CACNA1C: variants seen among roughly 807,000 people sequenced by gnomAD.
The protein encoded by CACNA1C is calcium voltage-gated channel subunit alpha1 C, also known as voltage-dependent L-type calcium channel subunit alpha-1C.
In CACNA1C, 30 loss-of-function variants were observed where a neutral mutation model predicts 229.0. The observed-to-expected ratio is 0.13, with a 90% confidence interval of 0.10 to 0.18. The LOEUF is 0.18. CACNA1C is among the 10% of genes least tolerant of loss of function. The probability of loss-of-function intolerance (pLI) is 1.00; values close to 1 mark genes in which losing one functional copy is unlikely to be tolerated. For synonymous variants in CACNA1C, 1,114 were observed against 1,132.5 expected (o/e 0.98, Z 0.33); for missense variants, 1,658 against 2,845.0 (o/e 0.58, Z 9.49).
intron 3 of CACNA1C, among the ~76,000 whole-genome samples, chr12:2,128,414 T>G (rs2091001835): frequency 6.6e-6 from 1 of 151,928 alleles, no homozygotes; most frequent in Admixed American, 6.6e-5. Context: ...TACATTATTT[T>G]TTTACCTTTT....
chr12:2,548,213 G>A (rs963510620), intron 9 of CACNA1C, among the ~76,000 whole-genome samples: 4 of 152,140 alleles, frequency 2.6e-5, no homozygotes, highest in African/African-American at 9.7e-5. Context: ...ATCCCTAAGG[G>A]CTGGTCTCAC....
rs989643835 is a variant in CACNA1C, at chr12:2,522,931, T to C, written c.1390+9947T>C. 1.2e-4 allele frequency among the ~76,000 whole-genome samples: 19 copies of C among 152,272 alleles called. No homozygotes were observed. The East Asian group carries it at 2.9e-3, about 23-fold the overall frequency. On this transcript the variant is annotated intron_variant, in intron 9 of 46. Coordinates refer to ENST00000399655, the MANE Select transcript of CACNA1C (RefSeq NM_000719.7). ...GTTCAGCTTGTAAGTTGCACAGTTA[T>C]GTGGCCGTTGCTCCCTCCGTACCAT...
chr12:2,330,852 T>C (rs1433336340), intron 3 of CACNA1C, among the ~76,000 whole-genome samples: 8 of 152,228 alleles, frequency 5.3e-5, no homozygotes, highest in Admixed American at 4.6e-4. Flanking sequence ...CCAAGTTGAT[T>C]AAATAGATTA....
chr12:2,372,626 T>C (rs956463586), intron 3 of CACNA1C, among the ~76,000 whole-genome samples: 9 of 141,766 alleles, frequency 6.3e-5, no homozygotes, highest in Non-Finnish European at 1.2e-4. Context: ...CCGCATTCCC[T>C]TTTTTTTTTT....
intron 30 of CACNA1C, among the ~76,000 whole-genome samples, chr12:2,638,516 C>T (rs1366367915): frequency 1.3e-5 from 2 of 152,142 alleles, no homozygotes; most frequent in African/African-American, 2.4e-5. Context: ...TGTCACGTGA[C>T]CCGACTGGTT....
At chr12:2,626,644 AG>A (rs1488947357) in intron 29 of CACNA1C, among the ~76,000 whole-genome samples, 1 of 152,174 alleles carries the variant, frequency 6.6e-6, no homozygotes, top group Non-Finnish European at 1.5e-5. Context: ...GCACCTTTGC[AG>A]AAAACGGCTC....
At chr12:2,232,227 G>C (rs201996511) in intron 3 of CACNA1C, among the ~76,000 whole-genome samples, 1 of 73,574 alleles carries the variant, frequency 1.4e-5, no homozygotes, top group Non-Finnish European at 2.6e-5. Flanking sequence ...GTCTTTCCTT[G>C]TTTTTTTTTT....
chr12:1,984,626 G>A (rs2037111263), intron 1 of CACNA1C, among the ~76,000 whole-genome samples: 1 of 151,810 alleles, frequency 6.6e-6, no homozygotes, highest in Admixed American at 6.6e-5. Context: ...TAAAGAATTT[G>A]AGAGGAGAAA....
intron 1 of CACNA1C, among the ~76,000 whole-genome samples, chr12:2,035,230 A>G (rs2048925931): frequency 2.0e-5 from 3 of 152,242 alleles, no homozygotes; most frequent in Non-Finnish European, 4.4e-5. Context: ...CAAGTCCTGA[A>G]GGAGGCCGTT....
intron 5 of CACNA1C, among the ~76,000 whole-genome samples, chr12:2,466,162 G>C (rs570565470): frequency 6.6e-6 from 1 of 152,226 alleles, no homozygotes; most frequent in South Asian, 2.1e-4. Flanking sequence ...CCCACTGAGG[G>C]CACATTAGGG....
chr12:2,650,200 G>T (rs548323817), intron 31 of CACNA1C, among the ~76,000 whole-genome samples: 36 of 152,328 alleles, frequency 2.4e-4, no homozygotes, highest in African/African-American at 8.7e-4. Flanking sequence ...TCTCTGGCTT[G>T]CTTCTGGGCA....
At chr12:2,081,719 T>A (rs76617616) in intron 1 of CACNA1C, among the ~76,000 whole-genome samples, 4 of 152,298 alleles carry the variant, frequency 2.6e-5, no homozygotes, top group South Asian at 2.1e-4. Context: ...GTATTTTTTT[T>A]AAGAAGATTA....
At chr12:2,621,544 A>G (rs1481278173) in intron 29 of CACNA1C, among the ~76,000 whole-genome samples, 1 of 152,114 alleles carries the variant, frequency 6.6e-6, no homozygotes, top group Non-Finnish European at 1.5e-5. Context: ...GGGGAGGATT[A>G]TATAATCTGA....
chr12:2,076,491 A>C (rs1013379536), intron 1 of CACNA1C, among the ~76,000 whole-genome samples: 10 of 147,842 alleles, frequency 6.8e-5, no homozygotes, highest in Non-Finnish European at 1.2e-4. Flanking sequence ...CCCTCGCCTC[A>C]CTCCCTCCCT....
chr12:2,262,031 C>T (rs986386368), intron 3 of CACNA1C, among the ~76,000 whole-genome samples: 31 of 152,372 alleles, frequency 2.0e-4, no homozygotes, highest in African/African-American at 7.0e-4. Context: ...AGGACCTGAA[C>T]CTGCCTTTCT....
chr12:2,678,410 G>C lies in CACNA1C; in HGVS notation c.5091+543G>C, dbSNP rs1395523998. 6.6e-6 allele frequency among the ~76,000 whole-genome samples: 1 copy of C among 152,162 alleles called. No individual in the cohort carries two copies. The highest frequency in any genetic ancestry group is 1.5e-5 in the Non-Finnish European group (1 of 68,024). On this transcript the variant is annotated intron_variant, in intron 41 of 46. Coordinates refer to ENST00000399655, the MANE Select transcript of CACNA1C (RefSeq NM_000719.7). This position sits in a 1 kb window ranked among gnomAD's most constrained non-coding sequence, Gnocchi z 4.1. ...TCCCCTTTCCCTCTCCTTTCCTGGA[G>C]ACTGAAGCTGCCCAGCAGTTGCAAT...
At chr12:2,667,380 G>C (rs753788771) in intron 37 of CACNA1C, among the ~76,000 whole-genome samples, 1 of 123,796 alleles carries the variant, frequency 8.1e-6, no homozygotes, top group Non-Finnish European at 1.6e-5. Context: ...GAGACCAGAG[G>C]GCTGGAGAGA....
chr12:2,521,024 G>A (rs1045033077), intron 9 of CACNA1C, among the ~76,000 whole-genome samples: 3 of 152,252 alleles, frequency 2.0e-5, no homozygotes, highest in African/African-American at 4.8e-5. Flanking sequence ...TTGGGGAGAC[G>A]CCTACTTGAC....
In CACNA1C at chr12:2,646,699, G is replaced by A. The variant is rs1028063649; in HGVS notation, c.3913-1776G>A. On this transcript the variant is annotated intron_variant, in intron 30 of 46. Coordinates refer to ENST00000399655, the MANE Select transcript of CACNA1C (RefSeq NM_000719.7). The surrounding 1 kb of genome is among the most constrained non-coding windows in gnomAD (Gnocchi z 4.6). ...TCCTGGGCAACTATCACACACCAGA[G>A]CAAAAGGGGTTTAGGTGCTTTGCCA... is the stretch of plus-strand genomic sequence containing the variant. 2.1e-4 allele frequency among the ~76,000 whole-genome samples: 32 copies of A among 152,212 alleles called. No homozygotes were observed. Among genetic ancestry groups the A allele is most frequent in the African/African-American group, 6.3e-4 (26 of 41,514 alleles).
Sources: gnomAD v4.1 joint callset for allele counts (sites outside exome capture counted in the v4.1 genomes callset) on GRCh38, gnomAD v4.1.1 for gene constraint, Gnocchi (gnomAD v3.1) non-coding constraint, MANE v1.5 for transcripts, NCBI Gene and HGNC (gene_info 2026-07-23, HGNC 2026-07-21) for gene names.